Variants in CNTNAP2 observed in about 807,000 individuals in gnomAD.
The protein encoded by CNTNAP2 is contactin-associated protein-like 2.
CNTNAP2 carries 98 observed loss-of-function variants against 155.2 expected under a neutral mutation model. That is an observed-to-expected ratio of 0.63 (90% confidence interval 0.54 to 0.75). CNTNAP2 has a LOEUF of 0.75. Ranked by LOEUF, CNTNAP2 falls within the 30% of genes least tolerant of loss-of-function variation. CNTNAP2 has a pLI of 0.00. For synonymous variants in CNTNAP2, 651 were observed against 631.2 expected, an observed-to-expected ratio of 1.03 and a Z score of -0.47; for missense variants, 1,727 against 1,688.1, an observed-to-expected ratio of 1.02 and a Z score of -0.40.
At chr7:147,779,961 G>A (rs1348175624) in intron 13 of CNTNAP2, among the ~76,000 whole-genome samples, 1 of 152,190 alleles carries the variant, frequency 6.6e-6, no homozygotes, top group African/African-American at 2.4e-5. Flanking sequence ...ATGAGACTAG[G>A]TAGAGTGATT....
chr7:146,784,548 G>T (rs1802542030), intron 2 of CNTNAP2, among the ~76,000 whole-genome samples: 1 of 152,178 alleles, frequency 6.6e-6, no homozygotes, highest in African/African-American at 2.4e-5. Context: ...AAGATGTGAA[G>T]AATACATATA....
At chr7:148,210,548 T>A (rs1006914430) in intron 18 of CNTNAP2, among the ~76,000 whole-genome samples, 2 of 152,234 alleles carry the variant, frequency 1.3e-5, no homozygotes, top group African/African-American at 4.8e-5. Context: ...GTGTTTACAG[T>A]AATATACTTC....
intron 14 of CNTNAP2, among the ~76,000 whole-genome samples, chr7:147,944,204 A>G (rs145545215): frequency 3.9e-5 from 6 of 152,332 alleles, no homozygotes; most frequent in African/African-American, 1.4e-4. Context: ...AAATCAGATC[A>G]GCATAAGAAC....
intron 1 of CNTNAP2, among the ~76,000 whole-genome samples, chr7:146,190,273 G>A (rs565478032): frequency 2.6e-5 from 4 of 152,156 alleles, no homozygotes; most frequent in Admixed American, 6.5e-5. Context: ...GACCTGCAGT[G>A]GTGCTCTTTC....
intron 8 of CNTNAP2, among the ~76,000 whole-genome samples, chr7:147,218,102 G>C (rs1209124508): frequency 6.6e-6 from 1 of 151,762 alleles, no homozygotes; most frequent in East Asian, 1.9e-4. Context: ...TGGTTTCCTT[G>C]ACTTTTCCCT....
At chr7:147,276,825 A>G (rs1349726101) in intron 8 of CNTNAP2, among the ~76,000 whole-genome samples, 1 of 150,024 alleles carries the variant, frequency 6.7e-6, no homozygotes, top group Non-Finnish European at 1.5e-5. Context: ...GCTGCGTTCA[A>G]TTGACAAAAA....
chr7:147,039,229 G>A (rs1263401279), intron 3 of CNTNAP2, among the ~76,000 whole-genome samples: 1 of 151,982 alleles, frequency 6.6e-6, no homozygotes, highest in African/African-American at 2.4e-5. Flanking sequence ...CACATATTCA[G>A]GTTCAGGAGT....
At chr7:148,360,896 G>GC (rs1798607943) in intron 21 of CNTNAP2, among the ~76,000 whole-genome samples, 1 of 149,426 alleles carries the variant, frequency 6.7e-6, no homozygotes, top group Non-Finnish European at 1.5e-5. Flanking sequence ...TGCAACCTCT[G>GC]CCCCCCAGAT....
At chr7:147,688,471 T>G (rs1486685836) in intron 13 of CNTNAP2, among the ~76,000 whole-genome samples, 1 of 152,130 alleles carries the variant, frequency 6.6e-6, no homozygotes, top group Non-Finnish European at 1.5e-5. Context: ...TAGCCGCCTT[T>G]CTCCTGAGTA....
At chr7:146,301,924 C>T (rs1018515764) in intron 1 of CNTNAP2, among the ~76,000 whole-genome samples, 76 of 152,224 alleles carry the variant, frequency 5.0e-4, no homozygotes, top group Non-Finnish European at 1.0e-3. Flanking sequence ...TAAGTTCCAC[C>T]TCCCTCCTCA....
intron 3 of CNTNAP2, among the ~76,000 whole-genome samples, chr7:146,999,110 T>C (rs893120876): frequency 2.6e-5 from 4 of 151,942 alleles, no homozygotes; most frequent in Non-Finnish European, 5.9e-5. Flanking sequence ...TTCATGAAAA[T>C]TGTTTTATTC....
chr7:146,312,040 C>T (rs967342281), intron 1 of CNTNAP2, among the ~76,000 whole-genome samples: 1 of 152,136 alleles, frequency 6.6e-6, no homozygotes, highest in Non-Finnish European at 1.5e-5. Flanking sequence ...AAGACCGTAT[C>T]ATTTCCCCAC....
intron 12 of CNTNAP2, among the ~76,000 whole-genome samples, chr7:147,620,565 G>A (rs1393828554): frequency 6.6e-6 from 1 of 150,902 alleles, no homozygotes; most frequent in Non-Finnish European, 1.5e-5. Context: ...AAAGAATCAA[G>A]CAGAAATTCT....
intron 13 of CNTNAP2, among the ~76,000 whole-genome samples, chr7:147,901,013 C>A (rs1446044097): frequency 1.3e-5 from 2 of 152,104 alleles, no homozygotes; most frequent in African/African-American, 4.8e-5. Context: ...CTTCCCTGTG[C>A]CCTACCTTCA....
At chr7:147,522,688 G>C (rs112697185) in intron 11 of CNTNAP2, among the ~76,000 whole-genome samples, 2 of 148,750 alleles carry the variant, frequency 1.3e-5, no homozygotes, top group Non-Finnish European at 3.0e-5. Flanking sequence ...AAGTTTGAAA[G>C]AATGCCTTTT....
At chr7:146,259,687 C>T (rs113980132) in intron 1 of CNTNAP2, among the ~76,000 whole-genome samples, 4 of 152,108 alleles carry the variant, frequency 2.6e-5, no homozygotes, top group Non-Finnish European at 5.9e-5. Flanking sequence ...AGTCTGAAAG[C>T]ATTCAGTCAT....
intron 1 of CNTNAP2, among the ~76,000 whole-genome samples, chr7:146,668,864 A>C (rs1800246204): frequency 6.6e-6 from 1 of 151,816 alleles, no homozygotes; most frequent in Non-Finnish European, 1.5e-5. Context: ...TTTTTCATTT[A>C]TGATTTTTAT....
intron 21 of CNTNAP2, among the ~76,000 whole-genome samples, chr7:148,327,305 T>A (rs978431690): frequency 6.6e-6 from 1 of 152,148 alleles, no homozygotes; most frequent in Admixed American, 6.5e-5. Flanking sequence ...CCTTTGCCTG[T>A]TGATTTCCAA....
At chr7:148,018,463 A>G (rs35294118) in intron 15 of CNTNAP2, among the ~76,000 whole-genome samples, 13,438 of 152,244 alleles carry the variant, frequency 0.088, 953 homozygotes, top group East Asian at 0.24. Flanking sequence ...AACATATTTC[A>G]AAAACCAAGT....
Sources: allele counts gnomAD v4.1 joint callset (sites outside exome capture counted in the v4.1 genomes callset), GRCh38; gene constraint gnomAD v4.1.1; transcripts MANE v1.5; gene names NCBI Gene and HGNC (gene_info 2026-07-23, HGNC 2026-07-21).